Variants in SLC2A11 observed in about 807,000 individuals in gnomAD.
SLC2A11 encodes the protein solute carrier family 2, facilitated glucose transporter member 11.
In SLC2A11, 43 loss-of-function variants were observed where a neutral mutation model predicts 52.1. The observed-to-expected ratio is 0.82, with a 90% CI of 0.65 to 1.06. The LOEUF is 1.06. SLC2A11 is among the 50% of genes least tolerant of loss of function. The pLI is 0.00. For missense variants in SLC2A11, 582 were observed against 654.2 expected (o/e 0.89, Z 1.20); for synonymous variants, 261 against 277.6 (o/e 0.94, Z 0.59).
rs530296524 is a variant in SLC2A11, at chr22:23,883,589, A to G, written c.994-183A>G. The G allele has an allele frequency of 1.5e-5, 8 of 528,720 alleles. No homozygotes were observed. The East Asian group carries it at 2.7e-4, about 18-fold the overall frequency. The allele number at this position is 528,720 out of a possible 1,614,324, so 32.8% of individuals were successfully genotyped here. The stretch of plus-strand genomic sequence containing the variant: ...CTTCCAGCACCATTTTGAGATGCGG[A>G]AACTGGCTGAAGTTGGGTGATTGAT... On this transcript the variant is annotated intron_variant, in intron 8 of 11. Transcript: ENST00000316185.
chr22:23,875,054 C>G, intron 3 of SLC2A11, 63 bp from the exon 4 acceptor site: 1 of 1,452,306 alleles, frequency 6.9e-7, no homozygotes. Context: ...AGAGTGGTCC[C>G]CAGGGATGGT....
At chr22:23,883,183 A>G (rs2032888910) in intron 8 of SLC2A11, 2 of 420,460 alleles carry the variant, frequency 4.8e-6, no homozygotes, top group South Asian at 4.1e-5. Context: ...AATCGCATGA[A>G]CCCAGTAGGT....
At chr22:23,878,718 C>T (rs978295763) in intron 6 of SLC2A11, among the ~76,000 whole-genome samples, 22 of 152,216 alleles carry the variant, frequency 1.4e-4, no homozygotes, top group African/African-American at 4.8e-4. Context: ...TCACCATGGC[C>T]GCAATTATTA....
chr22:23,872,787 C>T (rs2032497452), intron 3 of SLC2A11: 1 of 152,224 alleles, frequency 6.6e-6, no homozygotes, highest in Admixed American at 6.5e-5. Flanking sequence ...TACGCTGCCA[C>T]CTCTTAGTCC....
At position 23,882,467 on chromosome 22, in the gene SLC2A11, C is replaced by CGGCTCCGG. The variant is rs1328872097; in HGVS notation, c.714_721dup (p.Asp241AlafsTer36). The CGGCTCCGG allele has an allele frequency of 1.9e-6, 3 of 1,540,838 alleles. No individual in the cohort carries two copies. Among genetic ancestry groups the CGGCTCCGG allele is most frequent in the African/African-American group, 1.4e-5 (1 of 73,016 alleles). On this transcript the variant is annotated frameshift_variant, in exon 7 of 12. Transcript: ENST00000316185. LOFTEE classifies it high-confidence loss of function. The stretch of plus-strand genomic sequence containing the variant: ...CCTCCTCCCTGGCTCAGCACTACGG[C>CGGCTCCGG]GGCTCCGGGGCTCCGGGGACTTGGC...
upstream of SLC2A11, chr22:23,857,711 T>C (rs796120698): frequency 3.0e-5 from 22 of 729,294 alleles, no homozygotes; most frequent in African/African-American, 4.0e-4. Context: ...GCTCTGCGCT[T>C]CACTGCGCCT....
At chr22:23,857,399 A>G (rs1372649838), upstream of SLC2A11, 3 of 1,588,162 alleles carry the variant, frequency 1.9e-6, no homozygotes, top group Non-Finnish European at 2.6e-6. Flanking sequence ...ACCTTGGACC[A>G]GAGCTCCCTT....
At chr22:23,857,733 T>C, upstream of SLC2A11, 1 of 1,280,194 alleles carries the variant, frequency 7.8e-7, no homozygotes, top group Non-Finnish European at 1.0e-6. Context: ...AGCTTGAGTC[T>C]CAGGCCTTAG....
At chr22:23,881,533 G>A (rs2032792528) in intron 6 of SLC2A11, 1 of 152,298 alleles carries the variant, frequency 6.6e-6, no homozygotes, top group African/African-American at 2.4e-5. Flanking sequence ...CAAGCAGTGT[G>A]GGTGCAGGGA....
chr22:23,863,592 T>A (rs993758910), intron 2 of SLC2A11, among the ~76,000 whole-genome samples: 1 of 151,168 alleles, frequency 6.6e-6, no homozygotes, highest in Non-Finnish European at 1.5e-5. Context: ...CTGCCCCTGT[T>A]TTTTCTCTCT....
rs568447171 is a variant in SLC2A11 at position 23,868,571 on chromosome 22, G to T, written c.220G>T (p.Val74Leu). The change falls in exon 3 of 12, where the codon GTG becomes TTG. Residue 74 changes from valine (V) to leucine (L), a missense_variant. Physicochemically the swap from Val to Leu is conservative, Grantham distance 32 (BLOSUM62 1). Transcript: ENST00000316185. ...AGTCCTGCTTATGTGGTCCCTCATC[G>T]TGTCTCTGTATCCCCTGGGAGGCCT... ...HLVLLMWSLI[V>L]SLYPLGGLFG... The T allele has an allele frequency of 6.2e-7, 1 of 1,614,202 alleles. No homozygotes were observed. Among genetic ancestry groups the T allele is most frequent in the South Asian group, 1.1e-5 (1 of 91,090 alleles).
chr22:23,882,576 G>A lies in SLC2A11; in HGVS notation c.812G>A (p.Arg271Gln), dbSNP rs139308916. 1.0e-4 allele frequency: 169 copies of A among 1,612,906 alleles called. No homozygotes were observed. The highest frequency in any genetic ancestry group is 1.3e-4 in the Non-Finnish European group (157 of 1,179,744). Reference protein sequence around the residue: ...ARRPWELFQHRALRRQVTSLV... With the variant: ...ARRPWELFQHQALRRQVTSLV... ...CGCCCATGGGAGCTGTTCCAGCATC[G>A]GGCCCTGAGGAGACAGGTGACAAGC... The change falls in exon 7 of 12, where the codon CGG becomes CAG. Residue 271 changes from arginine to glutamine, a missense_variant. By Grantham distance (43) the Arg-to-Gln change is conservative (BLOSUM62 1). Transcript: ENST00000316185.
rs535278664 is a variant in SLC2A11 at position 23,884,190 on chromosome 22, G to GC, written c.1172-106dup. On this transcript the variant is annotated intron_variant, in intron 10 of 11. Coordinates refer to ENST00000316185, the MANE Select transcript of SLC2A11 (RefSeq NM_001024939.4). This position sits in a 1 kb window ranked among gnomAD's most constrained non-coding sequence, Gnocchi z 4.3. Reference sequence around the variant, plus strand: ...AATGGCAGGAGGAGAGCACTGAGGGGCCCCCCATACAGACTGGGCCTGGGC... The same window carrying GC: ...AATGGCAGGAGGAGAGCACTGAGGGGCCCCCCCATACAGACTGGGCCTGGGC... The GC allele has an allele frequency of 1.7e-3, 2,584 of 1,487,830 alleles. 57 individuals carry two copies. In the South Asian group the frequency reaches 0.032, roughly 19 times the overall value. The allele number at this position is 1,487,830 out of a possible 1,614,324, so 92.2% of individuals were successfully genotyped here.
At chr22:23,871,389 C>G (rs1212020745) in intron 3 of SLC2A11, 1 of 123,098 alleles carries the variant, frequency 8.1e-6, no homozygotes, top group South Asian at 2.5e-4. Flanking sequence ...GCCTGGTAGA[C>G]AAGAGTGAGA....
intron 3 of SLC2A11, chr22:23,869,592 G>A (rs946420963): frequency 2.3e-5 from 4 of 173,500 alleles, no homozygotes; most frequent in South Asian, 1.5e-4. Context: ...CGAGGCTGCA[G>A]TGAGCCTTGA....
chr22:23,857,064 GT>G, upstream of SLC2A11: 2 of 1,050,694 alleles, frequency 1.9e-6, no homozygotes, highest in Non-Finnish European at 2.6e-6. Context: ...GAACCAAAGT[GT>G]GTGTGTGTGG....
In SLC2A11 at chr22:23,877,677, C is replaced by G. The variant is rs375906240; in HGVS notation, c.546-44C>G. On this transcript the variant is annotated intron_variant, in intron 5 of 11. Coordinates refer to ENST00000316185, the MANE Select transcript of SLC2A11 (RefSeq NM_001024939.4). ...GGCAGGAGAGCAGGGTGGTAGGACTCTGGCAAAGAGGCATCTGGCCTGGCC... is the reference window on the plus strand; with the variant it reads ...GGCAGGAGAGCAGGGTGGTAGGACTGTGGCAAAGAGGCATCTGGCCTGGCC... The G allele has an allele frequency of 1.5e-4, 228 of 1,521,612 alleles. 1 individual carries two copies. The Middle Eastern group carries it at 2.4e-3, about 16-fold the overall frequency. 94.3% of individuals were successfully genotyped at this position (1,521,612 alleles called of 1,614,324 possible). A position where few individuals can be genotyped will look rare whatever the true frequency, so the allele number is the denominator to read the frequency against.
intron 3 of SLC2A11, among the ~76,000 whole-genome samples, chr22:23,873,504 T>C (rs1480554063): frequency 6.6e-6 from 1 of 152,102 alleles, no homozygotes; most frequent in East Asian, 1.9e-4. Context: ...GAGATGGGGT[T>C]TCACCATGTT....
chr22:23,878,745 G>A (rs976446703), intron 6 of SLC2A11, among the ~76,000 whole-genome samples: 21 of 152,272 alleles, frequency 1.4e-4, no homozygotes, highest in African/African-American at 4.8e-4. Flanking sequence ...TCTCTCCTCT[G>A]TGCAAAATGT....
Sources: allele counts gnomAD v4.1 joint callset (sites outside exome capture counted in the v4.1 genomes callset), GRCh38; gene constraint gnomAD v4.1.1; non-coding constraint Gnocchi (gnomAD v3.1); transcripts MANE v1.5; gene names NCBI Gene and HGNC (gene_info 2026-07-23, HGNC 2026-07-21).